Variants in TBC1D26 observed in about 807,000 individuals in gnomAD.
TBC1D26 encodes the protein TBC1 domain family, member 26.
A neutral mutation model predicts 42.5 loss-of-function variants in TBC1D26; 19 were observed. The observed-to-expected ratio is 0.45, with a 90% confidence interval of 0.31 to 0.66. The LOEUF (loss-of-function observed/expected upper bound fraction) is 0.66, where lower values mean the gene tolerates loss of function less well. Ranked by LOEUF, TBC1D26 falls within the 30% of genes least tolerant of loss-of-function variation. TBC1D26 has a pLI of 0.06. For missense variants in TBC1D26, 228 were observed against 332.6 expected (o/e 0.69, Z 2.45); for synonymous variants, 97 against 123.5 (o/e 0.79, Z 1.42).
At chr17:15,741,766 C>G (rs1164775022) in intron 10 of TBC1D26, 176 bp from the exon 11 acceptor site, 4 of 614,056 alleles carry the variant, frequency 6.5e-6, no homozygotes, top group Non-Finnish European at 1.1e-5. Context: ...GGCCGCTAGG[C>G]AGTGCCTCCA....
At chr17:15,737,662 G>A (rs1264620564) in intron 5 of TBC1D26, 139 bp downstream of exon 5, 13 of 1,087,880 alleles carry the variant, frequency 1.2e-5, no homozygotes, top group African/African-American at 9.5e-5. Context: ...GGCCTTTCCT[G>A]CTGGACTCTG....
In TBC1D26 at chr17:15,736,234, C is replaced by T. The variant is rs369960655; in HGVS notation, c.158+555C>T. On this transcript the variant is annotated intron_variant, in intron 4 of 14. Coordinates refer to ENST00000437605, the MANE Select transcript of TBC1D26 (RefSeq NM_001388465.1). ...GGACAACAGAGCATGCAACTGAAGG[C>T]CCCGGGAGTGGTGCAGGGAAGGGAC... 1.9e-3 allele frequency among the ~76,000 whole-genome samples: 289 copies of T among 152,336 alleles called. No individual in the cohort carries two copies. The East Asian group carries it at 0.032, about 17-fold the overall frequency.
chr17:15,737,692 A>G, intron 5 of TBC1D26, 169 bp downstream of exon 5: 1 of 1,080,342 alleles, frequency 9.3e-7, no homozygotes, highest in Non-Finnish European at 1.3e-6. Context: ...GGACTTGACC[A>G]AAACCCAAAC....
intron 4 of TBC1D26, among the ~76,000 whole-genome samples, chr17:15,736,765 C>G: frequency 6.6e-6 from 1 of 152,288 alleles, no homozygotes; most frequent in Non-Finnish European, 1.5e-5. Flanking sequence ...GGGTGTCTCC[C>G]CAGCAGTGCT....
rs138934594 is a variant in TBC1D26, at chr17:15,742,720, C to A, written c.808-189C>A. ...CCTCAGGAAGCCCTCTTTCCAGAAG[C>A]CACAGCGCAGTTGAGATGAGTCCCT... On this transcript the variant is annotated intron_variant, in intron 12 of 14. Coordinates refer to ENST00000437605, the MANE Select transcript of TBC1D26 (RefSeq NM_001388465.1). Among the ~76,000 whole-genome samples, 978 of 152,316 alleles carry A rather than the reference C, an allele frequency of 6.4e-3. 13 individuals carry two copies. The highest frequency in any genetic ancestry group is 0.022 in the African/African-American group (932 of 41,570).
chr17:15,737,968 C>T (rs756706954), intron 5 of TBC1D26, 29 bp from the exon 6 acceptor site: 242 of 1,613,838 alleles, frequency 1.5e-4, no homozygotes, highest in Non-Finnish European at 1.9e-4. Flanking sequence ...CTGGCAGCTC[C>T]GCTAACTCCA....
At chr17:15,741,002 C>T in intron 9 of TBC1D26, 120 bp from the exon 10 acceptor site, 3 of 1,351,380 alleles carry the variant, frequency 2.2e-6, no homozygotes, top group Middle Eastern at 2.6e-4. Context: ...CACCTCAAAT[C>T]CCCTGGGGCC....
At chr17:15,737,793 T>A (rs1341543470) in intron 5 of TBC1D26, 3 of 818,394 alleles carry the variant, frequency 3.7e-6, no homozygotes, top group Non-Finnish European at 5.7e-6. Context: ...GGGGCATTTA[T>A]GGCCTGAGGA....
At chr17:15,743,276 A>C (rs1445290316) in intron 13 of TBC1D26, 91 bp from the exon 14 acceptor site, 1 of 656,274 alleles carries the variant, frequency 1.5e-6, no homozygotes, top group African/African-American at 2.0e-5. Context: ...ACCAGACACC[A>C]CCCAGTGGGA....
intron 14 of TBC1D26, 98 bp from the exon 15 acceptor site, chr17:15,744,145 C>T (rs1448842422): frequency 2.0e-5 from 3 of 152,234 alleles, no homozygotes; most frequent in East Asian, 1.9e-4. Context: ...ACCCCCACCT[C>T]GTGGTATGTC....
intron 13 of TBC1D26, 80 bp from the exon 14 acceptor site, chr17:15,743,287 G>A: frequency 5.1e-6 from 4 of 778,108 alleles, no homozygotes; most frequent in Non-Finnish European, 6.2e-6. Flanking sequence ...CCCAGTGGGA[G>A]GTGGGCCTGG....
rs537683063 is a variant in TBC1D26, at chr17:15,732,350, C to T, written c.-177C>T. 8.5e-5 allele frequency: 12 copies of T among 141,340 alleles called. No individual in the cohort carries two copies. The highest frequency in any genetic ancestry group is 5.7e-4 in the Admixed American group (8 of 13,968). The allele number at this position is 141,340 out of a possible 1,614,324, so 8.8% of individuals were successfully genotyped here. A position where few individuals can be genotyped will look rare whatever the true frequency, so the allele number is the denominator to read the frequency against. Reference sequence around the variant, plus strand: ...CTGGTTCTGAGAAAAGGAAGTTTTGCTAAGTGAGAGACACAACTGACTCAA... The same window carrying T: ...CTGGTTCTGAGAAAAGGAAGTTTTGTTAAGTGAGAGACACAACTGACTCAA... On this transcript the variant is annotated 5_prime_UTR_variant, in exon 1 of 15. Transcript: ENST00000437605.
chr17:15,737,637 G>A (rs1303616893), intron 5 of TBC1D26, 114 bp downstream of exon 5: 58 of 1,170,950 alleles, frequency 5.0e-5, no homozygotes, highest in Non-Finnish European at 7.0e-5. Flanking sequence ...GGCCACGGCT[G>A]TCACTGGGAG....
Position 15,740,160 on chromosome 17 carries a change from CG to C in TBC1D26, c.546+15del, listed in dbSNP as rs373422826. On this transcript the variant is annotated intron_variant, in intron 9 of 14. Transcript: ENST00000437605. ...CTGCATATAACCCTGTGAGTATTCC[CG>C]GGCAGCGATATTCCTGGGACATGTG... 1.1e-4 allele frequency: 171 copies of C among 1,614,154 alleles called. 2 individuals are homozygous for C. In the East Asian group the frequency reaches 2.6e-3, roughly 25 times the overall value.
In TBC1D26 at chr17:15,739,432, C is replaced by T. The variant is rs1177090021; in HGVS notation, c.497+602C>T. ...GATTGTAACTCACACCCGGAGGCTA[C>T]GGAGATGATCTTCAACATGGGAACT... On this transcript the variant is annotated intron_variant, in intron 8 of 14. Transcript: ENST00000437605. Among the ~76,000 whole-genome samples the T allele has an allele frequency of 4.6e-5, 7 of 152,400 alleles. No individual in the cohort carries two copies. In the South Asian group the frequency reaches 8.3e-4, roughly 18 times the overall value.
intron 8 of TBC1D26, among the ~76,000 whole-genome samples, chr17:15,739,433 G>C (rs1243332595): frequency 3.3e-5 from 5 of 152,420 alleles, no homozygotes; most frequent in African/African-American, 1.2e-4. Flanking sequence ...CGGAGGCTAC[G>C]GAGATGATCT....
chr17:15,737,729 C>T (rs1422569543), intron 5 of TBC1D26: 14 of 879,324 alleles, frequency 1.6e-5, no homozygotes, highest in Non-Finnish European at 1.7e-6. Flanking sequence ...GGCTCAGAGT[C>T]CACTGCCTGT....
intron 14 of TBC1D26, 169 bp downstream of exon 14, chr17:15,743,685 G>A (rs943523134): frequency 1.9e-5 from 3 of 161,630 alleles, no homozygotes; most frequent in Non-Finnish European, 2.6e-5. Flanking sequence ...TCCTCAGGGC[G>A]CCGTGGCTCA....
At chr17:15,735,544 C>T (rs1484533175) in intron 3 of TBC1D26, 53 bp from the exon 4 acceptor site, 2 of 960,686 alleles carry the variant, frequency 2.1e-6, no homozygotes, top group Non-Finnish European at 3.1e-6. Flanking sequence ...CCTCCCTGGG[C>T]CTCCCACACC....
Sources: allele counts gnomAD v4.1 joint callset (sites outside exome capture counted in the v4.1 genomes callset), GRCh38; gene constraint gnomAD v4.1.1; transcripts MANE v1.5; gene names NCBI Gene and HGNC (gene_info 2026-07-23, HGNC 2026-07-21).